Variants in PCDHGB1 observed in about 807,000 individuals in gnomAD.
The protein encoded by PCDHGB1 is protocadherin gamma subfamily B, 1.
A neutral mutation model predicts 56.6 loss-of-function variants in PCDHGB1; 34 were observed. The observed-to-expected ratio is 0.60, with a 90% CI of 0.46 to 0.80. The LOEUF (loss-of-function observed/expected upper bound fraction) is 0.80. Among genes scored for constraint, PCDHGB1 ranks in the 30% least tolerant of loss-of-function variants. The pLI is 0.00. For missense variants in PCDHGB1, 1,278 were observed against 1,204.6 expected, an observed-to-expected ratio of 1.06 and a Z score of -0.90; for synonymous variants, 561 against 505.9, an observed-to-expected ratio of 1.11 and a Z score of -1.46.
intron 1 of PCDHGB1, chr5:141,400,270 T>G: frequency 6.2e-7 from 1 of 1,614,058 alleles, no homozygotes; most frequent in Non-Finnish European, 8.5e-7. Flanking sequence ...GCGACGCTCC[T>G]CCAGCCCTGC....
chr5:141,357,315 G>A (rs983048420), intron 1 of PCDHGB1: 9 of 1,614,088 alleles, frequency 5.6e-6, no homozygotes, highest in Non-Finnish European at 7.6e-6. Context: ...GCGTCTTCCT[G>A]GCTTTTGTCA....
At chr5:141,472,980 CAAAA>C (rs60579131) in intron 1 of PCDHGB1, among the ~76,000 whole-genome samples, 3 of 86,106 alleles carry the variant, frequency 3.5e-5, no homozygotes, top group Admixed American at 1.2e-4. Context: ...GAGTGAAACT[CAAAA>C]AAAAAAAAAA....
intron 1 of PCDHGB1, chr5:141,421,422 C>A (rs908483513): frequency 6.2e-7 from 1 of 1,614,086 alleles, no homozygotes; most frequent in South Asian, 1.1e-5. Flanking sequence ...AGCGCGGAGT[C>A]CGCATCGTCT....
At chr5:141,423,660 G>A (rs765304048) in intron 1 of PCDHGB1, 1 of 1,560,482 alleles carries the variant, frequency 6.4e-7, no homozygotes, top group Admixed American at 1.9e-5. Flanking sequence ...CAAGTAATCA[G>A]GTGAGATTTA....
At chr5:141,375,059 G>T in intron 1 of PCDHGB1, 3 of 1,614,038 alleles carry the variant, frequency 1.9e-6, no homozygotes, top group Non-Finnish European at 1.7e-6. Flanking sequence ...GGATGGGCCA[G>T]GTCTTCGAGA....
At chr5:141,357,240 T>C in intron 1 of PCDHGB1, 1 of 1,613,702 alleles carries the variant, frequency 6.2e-7, no homozygotes, top group Non-Finnish European at 8.5e-7. Flanking sequence ...GCCTCAAGCC[T>C]TCAGCAGACC....
At position 141,477,868 on chromosome 5, in the gene PCDHGB1, C is replaced by G; in HGVS notation, c.2410-16939C>G. Reference sequence around the variant, plus strand: ...CGGTGGAGATGCTGCCTCGAGGTACCTCAGCTGGCCACCTAGTGTCACGGG... The same window carrying G: ...CGGTGGAGATGCTGCCTCGAGGTACGTCAGCTGGCCACCTAGTGTCACGGG... On this transcript the variant is annotated intron_variant, in intron 1 of 3. Coordinates refer to ENST00000523390, the MANE Select transcript of PCDHGB1 (RefSeq NM_018922.3). The surrounding 1 kb of genome is among the most constrained non-coding windows in gnomAD (Gnocchi z 4.9). 1 of 1,613,750 alleles carries G rather than the reference C, an allele frequency of 6.2e-7. No individual in the cohort carries two copies. Among genetic ancestry groups the G allele is most frequent in the Non-Finnish European group, 8.5e-7 (1 of 1,179,908 alleles).
At chr5:141,404,694 C>A in intron 1 of PCDHGB1, 5 of 1,614,116 alleles carry the variant, frequency 3.1e-6, no homozygotes, top group Non-Finnish European at 4.2e-6. Context: ...GCACCCCGCT[C>A]TGCAGAGCCT....
chr5:141,351,692 G>A lies in PCDHGB1; in HGVS notation c.1432G>A (p.Gly478Arg). The A allele has an allele frequency of 6.2e-7, 1 of 1,613,988 alleles. No homozygotes were observed. Among genetic ancestry groups the A allele is most frequent in the South Asian group, 1.1e-5 (1 of 91,086 alleles). ...AQVSASDPDL[G>R]PNGRVSYSIL... ...AGTAAGCGCCTCCGACCCGGATTTG[G>A]GACCCAACGGCAGAGTCTCCTACTC... The change falls in exon 1 of 4, where the codon GGA becomes AGA. Residue 478 changes from glycine (G) to arginine (R), a missense_variant. Gly to Arg is a moderately radical substitution (Grantham distance 125). Transcript: ENST00000523390.
intron 1 of PCDHGB1, chr5:141,366,528 C>A (rs777450935): frequency 4.3e-6 from 7 of 1,614,210 alleles, no homozygotes; most frequent in South Asian, 1.1e-5. Flanking sequence ...AGCAGGTTGG[C>A]GGGTGTGCCC....
intron 1 of PCDHGB1, chr5:141,413,423 C>A (rs770419729): frequency 6.2e-7 from 1 of 1,614,078 alleles, no homozygotes; most frequent in Non-Finnish European, 8.5e-7. Flanking sequence ...TCTCTGAACC[C>A]GCGCAGCGGC....
intron 1 of PCDHGB1, chr5:141,376,198 G>A (rs1772399318): frequency 6.2e-7 from 1 of 1,614,072 alleles, no homozygotes; most frequent in South Asian, 1.1e-5. Context: ...GCGTCTTCCT[G>A]GCCTTCGTCA....
chr5:141,430,637 G>A (rs2097298854), intron 1 of PCDHGB1: 1 of 890,676 alleles, frequency 1.1e-6, no homozygotes, highest in Admixed American at 2.8e-5. Context: ...ACCATCCCTG[G>A]GAGTATGTGG....
At chr5:141,355,553 G>T (rs758635124) in intron 1 of PCDHGB1, 1 of 1,614,014 alleles carries the variant, frequency 6.2e-7, no homozygotes, top group East Asian at 2.2e-5. Context: ...AAGATTTTGC[G>T]GGTAGAGGTG....
Position 141,489,429 on chromosome 5 carries a change from G to A in PCDHGB1, c.2410-5378G>A. 1 of 1,614,140 alleles carries A rather than the reference G, an allele frequency of 6.2e-7. No individual in the cohort carries two copies. Among genetic ancestry groups the A allele is most frequent in the Non-Finnish European group, 8.5e-7 (1 of 1,180,036 alleles). ...AGATGACAGATCTGTTGAGCCGGCG[G>A]CTGCAATTGGGCTCTGAGGAGAATG... On this transcript the variant is annotated intron_variant, in intron 1 of 3. Transcript: ENST00000523390. The surrounding 1 kb of genome is among the most constrained non-coding windows in gnomAD (Gnocchi z 4.5).
chr5:141,373,897 C>T, intron 1 of PCDHGB1: 1 of 537,056 alleles, frequency 1.9e-6, no homozygotes, highest in Non-Finnish European at 3.1e-6. Flanking sequence ...ACTCAAGTTA[C>T]ATCCTCCAAC....
intron 1 of PCDHGB1, chr5:141,404,338 G>A (rs752211796): frequency 1.9e-5 from 30 of 1,613,686 alleles, no homozygotes; most frequent in Non-Finnish European, 2.4e-5. Flanking sequence ...TCTACCTCCC[G>A]GAAAACAACG....
At chr5:141,415,966 C>A in intron 1 of PCDHGB1, 1 of 405,602 alleles carries the variant, frequency 2.5e-6, no homozygotes, top group East Asian at 5.2e-5. Context: ...AAACTCCAGC[C>A]CCTTAAGCAA....
At chr5:141,354,323 T>C (rs552876054) in intron 1 of PCDHGB1, among the ~76,000 whole-genome samples, 3 of 152,226 alleles carry the variant, frequency 2.0e-5, no homozygotes, top group Non-Finnish European at 4.4e-5. Flanking sequence ...TACTACTCTA[T>C]GAAAGGTATT....
Sources: gnomAD v4.1 joint callset for allele counts (sites outside exome capture counted in the v4.1 genomes callset) on GRCh38, gnomAD v4.1.1 for gene constraint, Gnocchi (gnomAD v3.1) non-coding constraint, MANE v1.5 for transcripts, NCBI Gene and HGNC (gene_info 2026-07-23, HGNC 2026-07-21) for gene names.